SKAP1: variants seen among roughly 807,000 people sequenced by gnomAD.
SKAP1 encodes the protein src kinase-associated phosphoprotein 1.
In SKAP1, 44 loss-of-function variants were observed where a neutral mutation model predicts 58.5. The observed-to-expected ratio is 0.75, with a 90% confidence interval of 0.59 to 0.97. SKAP1 has a LOEUF of 0.97. Among genes scored for constraint, SKAP1 ranks in the 50% least tolerant of loss-of-function variants. SKAP1 has a pLI of 0.00. For synonymous variants in SKAP1, 127 were observed against 149.7 expected (o/e 0.85, Z 1.11); for missense variants, 390 against 435.2 (o/e 0.90, Z 0.92).
At chr17:48,163,316 CA>C (rs1462522362) in intron 10 of SKAP1, among the ~76,000 whole-genome samples, 1 of 152,154 alleles carries the variant, frequency 6.6e-6, no homozygotes, top group African/African-American at 2.4e-5. Context: ...GACGACAAAC[CA>C]AGCTTTAGAA....
chr17:48,207,712 A>G (rs902296332), intron 4 of SKAP1, among the ~76,000 whole-genome samples: 2 of 152,180 alleles, frequency 1.3e-5, no homozygotes, highest in Non-Finnish European at 2.9e-5. Flanking sequence ...GTTTTATTTC[A>G]TAAGGAATAA....
intron 4 of SKAP1, among the ~76,000 whole-genome samples, chr17:48,264,471 T>C (rs976140247): frequency 8.5e-5 from 13 of 152,166 alleles, no homozygotes. Context: ...TTTTGATGTG[T>C]GAATGAAAAG....
At chr17:48,239,372 G>A (rs569108917) in intron 4 of SKAP1, among the ~76,000 whole-genome samples, 1 of 152,352 alleles carries the variant, frequency 6.6e-6, no homozygotes, top group Non-Finnish European at 1.5e-5. Context: ...CAGCCTGGCA[G>A]TAAATCGGAA....
intron 2 of SKAP1, among the ~76,000 whole-genome samples, chr17:48,380,896 C>T (rs997680431): frequency 3.9e-5 from 6 of 152,238 alleles, no homozygotes; most frequent in Middle Eastern, 3.4e-3. Flanking sequence ...AATCATATTT[C>T]GAAAGTTGAA....
At position 48,430,105 on chromosome 17, in the gene SKAP1, G is replaced by C; in HGVS notation, c.16C>G (p.Leu6Val). Residue 6 changes from leucine (L) to valine (V), a missense_variant, in exon 1 of 13, where the codon CTC becomes GTC. By Grantham distance (32) the Leu-to-Val change is conservative. Transcript: ENST00000336915. ...AGGAGCCAACGGATCTCCTCAGGGA[G>C]GGCGGCGGCCTGCATTTGGCTGGGC... MQAAA[L>V]PEEIRWLLED... The C allele has an allele frequency of 7.9e-7, 1 of 1,263,494 alleles. No homozygotes were observed. The highest frequency in any genetic ancestry group is 1.0e-6 in the Non-Finnish European group (1 of 996,546). 78.3% of individuals were successfully genotyped at this position (1,263,494 alleles called of 1,614,324 possible). A position where few individuals can be genotyped will look rare whatever the true frequency, so the allele number is the denominator to read the frequency against.
Position 48,187,903 on chromosome 17 carries a change from A to G in SKAP1, c.382T>C (p.Trp128Arg). The change falls in exon 6 of 13, where the codon TGG (tryptophan) becomes CGG (arginine). Residue 128 changes from tryptophan (W) to arginine (R), a missense_variant. Physicochemically the swap from Trp to Arg is moderately radical, Grantham distance 101. Transcript: ENST00000336915. ...CTGACAACACACCATCGCTTCTGCC[A>G]CTCCGATCCAAAGAAACTATGATCT... ...SKDHSFFGSEWQKRWCVVSRG... is the reference protein window; with the variant it reads ...SKDHSFFGSERQKRWCVVSRG... The G allele has an allele frequency of 6.2e-7, 1 of 1,613,916 alleles. No individual in the cohort carries two copies. The highest frequency in any genetic ancestry group is 8.5e-7 in the Non-Finnish European group (1 of 1,179,838).
chr17:48,294,822 G>C (rs1034120242), intron 4 of SKAP1, among the ~76,000 whole-genome samples: 2 of 152,116 alleles, frequency 1.3e-5, no homozygotes, highest in African/African-American at 2.4e-5. Flanking sequence ...CCTAAATCTG[G>C]ACATGTCAAT....
the SKAP1 span, among the ~76,000 whole-genome samples, chr17:48,441,294 A>G: frequency 6.6e-6 from 1 of 152,182 alleles, no homozygotes; most frequent in Non-Finnish European, 1.5e-5. Flanking sequence ...CCTTTTACCT[A>G]CAGAGAGAAA....
chr17:48,429,491 A>G lies in SKAP1; in HGVS notation c.46+584T>C, dbSNP rs369929898. On this transcript the variant is annotated intron_variant, in intron 1 of 12. Transcript: ENST00000336915. Reference sequence around the variant, plus strand: ...CTTCTAGAAAAGGAGGAAATCCCATACTGAGAATGAGCCTGCCTTGGGGTG... The same window carrying G: ...CTTCTAGAAAAGGAGGAAATCCCATGCTGAGAATGAGCCTGCCTTGGGGTG... Among the ~76,000 whole-genome samples, 11 of 152,328 alleles carry G rather than the reference A, an allele frequency of 7.2e-5. No individual in the cohort carries two copies. In the East Asian group the frequency reaches 1.9e-3, roughly 27 times the overall value.
Position 48,401,131 on chromosome 17 carries a change from C to T in SKAP1, c.47-4346G>A, listed in dbSNP as rs571940470. Among the ~76,000 whole-genome samples, 25 of 152,096 alleles carry T rather than the reference C, an allele frequency of 1.6e-4. 1 individual carries two copies. The South Asian group carries it at 4.8e-3, about 29-fold the overall frequency. On this transcript the variant is annotated intron_variant, in intron 1 of 12. Coordinates refer to ENST00000336915, the MANE Select transcript of SKAP1 (RefSeq NM_003726.4). ...GACCAGACTGGTCAACACGGAGAAACCCTGTCTCTACTAAAAATACAAAAA... is the reference window on the plus strand; with the variant it reads ...GACCAGACTGGTCAACACGGAGAAATCCTGTCTCTACTAAAAATACAAAAA...
chr17:48,386,518 T>C (rs2067278305), intron 2 of SKAP1, among the ~76,000 whole-genome samples: 2 of 152,342 alleles, frequency 1.3e-5, no homozygotes, highest in African/African-American at 2.4e-5. Context: ...TCTCATTCAA[T>C]GGAGCCTGAG....
rs749522345 is a variant in SKAP1 at position 48,187,939 on chromosome 17, G to T, written c.359-13C>A. ...AAGAAACTATGATCTAAACAGAACA[G>T]CAGTAGGGGACATAAATTCAGGTAA... On this transcript the variant is annotated splice_polypyrimidine_tract_variant and intron_variant, in intron 5 of 12. Transcript: ENST00000336915. 1.2e-5 allele frequency: 19 copies of T among 1,602,780 alleles called. No homozygotes were observed. The Middle Eastern group carries it at 6.6e-4, about 56-fold the overall frequency.
intron 4 of SKAP1, among the ~76,000 whole-genome samples, chr17:48,324,057 A>T (rs927327122): frequency 6.6e-6 from 1 of 152,092 alleles, no homozygotes; most frequent in East Asian, 1.9e-4. Flanking sequence ...AAACAAAAAC[A>T]ACCAATGACC....
chr17:48,375,332 C>T (rs1264650131), intron 2 of SKAP1, among the ~76,000 whole-genome samples: 2 of 150,762 alleles, frequency 1.3e-5, no homozygotes, highest in Non-Finnish European at 3.0e-5. Context: ...TCCCCCACCA[C>T]AATTTTTAAG....
chr17:48,154,175 T>C lies in SKAP1; in HGVS notation c.978+8294A>G, dbSNP rs1359144838. Among the ~76,000 whole-genome samples, 4 of 152,318 alleles carry C rather than the reference T, an allele frequency of 2.6e-5. No individual in the cohort carries two copies. In the East Asian group the frequency reaches 5.8e-4, roughly 22 times the overall value. ...TAATTGACATAGTGTTGTGTTAACA[T>C]AGTCCAGGTGTGCTGGCGCAGGCCT... On this transcript the variant is annotated intron_variant, in intron 11 of 12. Coordinates refer to ENST00000336915, the MANE Select transcript of SKAP1 (RefSeq NM_003726.4).
intron 4 of SKAP1, among the ~76,000 whole-genome samples, chr17:48,270,566 C>T (rs12938032): frequency 0.21 from 31,786 of 151,960 alleles, 3,335 homozygotes; most frequent in Admixed American, 0.22. Flanking sequence ...TGGTCTCGAT[C>T]TCCTGACCTA....
chr17:48,309,799 C>A (rs531596140), intron 4 of SKAP1, among the ~76,000 whole-genome samples: 1 of 152,288 alleles, frequency 6.6e-6, no homozygotes, highest in Non-Finnish European at 1.5e-5. Context: ...GCCTAGTAGA[C>A]AAATGCTAGT....
intron 11 of SKAP1, among the ~76,000 whole-genome samples, chr17:48,153,695 G>A (rs529375492): frequency 2.0e-5 from 3 of 151,932 alleles, no homozygotes; most frequent in Non-Finnish European, 4.4e-5. Context: ...TCTTTGACAG[G>A]CATTGATCAG....
intron 9 of SKAP1, among the ~76,000 whole-genome samples, chr17:48,171,731 T>TA (rs1567804491): frequency 1.2e-5 from 1 of 83,840 alleles, no homozygotes; most frequent in Non-Finnish European, 2.5e-5. Flanking sequence ...GTTAGGATGT[T>TA]AGAGTGTGTG....
Sources: allele counts gnomAD v4.1 joint callset (sites outside exome capture counted in the v4.1 genomes callset), GRCh38; gene constraint gnomAD v4.1.1; transcripts MANE v1.5; gene names NCBI Gene and HGNC (gene_info 2026-07-23, HGNC 2026-07-21).